USH2A: variants seen among roughly 807,000 people sequenced by gnomAD.
USH2A encodes the protein Usher syndrome 2A (autosomal recessive, mild).
Under a neutral mutation model 538.9 loss-of-function variants are expected in USH2A, and 443 were observed. The ratio of observed to expected loss-of-function variants is 0.82; its 90% CI spans 0.76 to 0.89. USH2A has a LOEUF of 0.89. USH2A is among the 40% of genes least tolerant of loss of function. USH2A has a pLI of 0.00. For synonymous variants in USH2A, 2,413 were observed against 2,273.5 expected (o/e 1.06, Z -1.75); for missense variants, 6,633 against 6,324.8 (o/e 1.05, Z -1.65).
intron 61 of USH2A, among the ~76,000 whole-genome samples, chr1:215,696,394 G>A (rs1023384724): frequency 4.6e-5 from 7 of 152,192 alleles, no homozygotes; most frequent in African/African-American, 1.4e-4. Flanking sequence ...CAACTTTACA[G>A]GTTTGGGTTT....
At chr1:215,647,963 A>C (rs992520946) in intron 66 of USH2A, among the ~76,000 whole-genome samples, 1 of 152,200 alleles carries the variant, frequency 6.6e-6, no homozygotes, top group Non-Finnish European at 1.5e-5. Context: ...CTACACACAC[A>C]TTGCTGTTTA....
intron 15 of USH2A, among the ~76,000 whole-genome samples, chr1:216,216,873 C>T (rs567922876): frequency 2.0e-4 from 30 of 151,816 alleles, no homozygotes; most frequent in Non-Finnish European, 3.8e-4. Context: ...ATATGCGTGA[C>T]GAATGATACT....
chr1:215,669,399 C>A (rs778150689), intron 64 of USH2A, among the ~76,000 whole-genome samples: 3 of 152,166 alleles, frequency 2.0e-5, no homozygotes, highest in Non-Finnish European at 4.4e-5. Context: ...TCCTTTATGA[C>A]ATAAACCACA....
Position 215,877,837 on chromosome 1 carries a change from T to G in USH2A, c.8602A>C (p.Asn2868His). ...RRKIQQPLAS[N>H]PPEDLNRWHN... ...CACCGATTTAAATCTTCTGGGGGAT[T>G]TGATGCAAGTGGCTGCTGGATTTTA... is the stretch of plus-strand genomic sequence containing the variant. The change falls in exon 43 of 72, where the codon AAT (asparagine) becomes CAT (histidine). Residue 2868 changes from asparagine (N) to histidine (H), a missense_variant. Coordinates refer to ENST00000307340, the MANE Select transcript of USH2A (RefSeq NM_206933.4). 6.2e-7 allele frequency: 1 copy of G among 1,613,842 alleles called. No homozygotes were observed.
Position 216,070,143 on chromosome 1 carries a change from G to A in USH2A, c.6007C>T (p.Pro2003Ser), listed in dbSNP as rs1405964630. Residue 2003 changes from proline to serine, a missense_variant, in exon 30 of 72, where the codon CCC becomes TCC. Physicochemically the swap from Pro to Ser is moderately conservative, Grantham distance 74. Coordinates refer to ENST00000307340, the MANE Select transcript of USH2A (RefSeq NM_206933.4). The stretch of plus-strand genomic sequence containing the variant: ...TTGACAAATTCAGCACTGGCAGAGG[G>A]CATGCGGGGTGGACGGGTGCTGTCC... ...SEDSTRPPRMPSASAEFVNTS... is the reference protein window; with the variant it reads ...SEDSTRPPRMSSASAEFVNTS... 1.2e-6 allele frequency: 2 copies of A among 1,614,024 alleles called. No homozygotes were observed. The highest frequency in any genetic ancestry group is 2.2e-5 in the East Asian group (1 of 44,862).
At chr1:216,034,193 AAGAGATCACACC>A (rs1431723269) in intron 32 of USH2A, among the ~76,000 whole-genome samples, 1 of 152,160 alleles carries the variant, frequency 6.6e-6, no homozygotes, top group African/African-American at 2.4e-5. Context: ...GAAAATGAGG[AAGAGATCACACC>A]AGAGCTTGAA....
At chr1:216,201,060 C>T (rs2034987878) in intron 16 of USH2A, among the ~76,000 whole-genome samples, 1 of 143,364 alleles carries the variant, frequency 7.0e-6, no homozygotes, top group Admixed American at 7.3e-5. Flanking sequence ...TTCCTTCCGA[C>T]AGGAGATAGA....
intron 70 of USH2A, among the ~76,000 whole-genome samples, chr1:215,633,872 C>T (rs1235111612): frequency 6.6e-6 from 1 of 152,162 alleles, no homozygotes; most frequent in Non-Finnish European, 1.5e-5. Context: ...CCCTCTCCCA[C>T]TAGACCTTTA....
At chr1:216,080,375 A>G (rs1349977878) in intron 26 of USH2A, among the ~76,000 whole-genome samples, 1 of 152,090 alleles carries the variant, frequency 6.6e-6, no homozygotes. Flanking sequence ...AGAATAAGAA[A>G]AAAACAGAAT....
At chr1:216,390,009 GTT>G (rs1225698701) in intron 3 of USH2A, among the ~76,000 whole-genome samples, 2 of 90,002 alleles carry the variant, frequency 2.2e-5, no homozygotes, top group Non-Finnish European at 5.8e-5. Flanking sequence ...CTGACTGTCA[GTT>G]TTAAAAGACA....
chr1:216,251,158 C>T lies in USH2A; in HGVS notation c.1972-60G>A, dbSNP rs988314749. 3 of 1,568,074 alleles carry T rather than the reference C, an allele frequency of 1.9e-6. No individual in the cohort carries two copies. In the African/African-American group the frequency reaches 4.1e-5, roughly 21 times the overall value. On this transcript the variant is annotated intron_variant, in intron 11 of 71. Coordinates refer to ENST00000307340, the MANE Select transcript of USH2A (RefSeq NM_206933.4). ...CGTATCTATTTTTAGATAATTTGCT[C>T]ATTAGGTACAAGACAGGGAGGGAGG...
rs1005583179 is a variant in USH2A, at chr1:215,758,490, G to C, written c.11389+105C>G. ...TCTGTTCATATTTATCCAGGAGACC[G>C]ACTATGTCTTTCTGATTTACTAAAT... On this transcript the variant is annotated intron_variant, in intron 58 of 71. Transcript: ENST00000307340. The C allele has an allele frequency of 4.3e-6, 6 of 1,402,786 alleles. No individual in the cohort carries two copies. The Admixed American group carries it at 8.9e-5, about 21-fold the overall frequency. 86.9% of individuals were successfully genotyped at this position (1,402,786 alleles called of 1,614,324 possible). A position where few individuals can be genotyped will look rare whatever the true frequency, so the allele number is the denominator to read the frequency against.
At chr1:216,420,344 T>C (rs1182806178) in intron 2 of USH2A, among the ~76,000 whole-genome samples, 1 of 152,150 alleles carries the variant, frequency 6.6e-6, no homozygotes, top group Non-Finnish European at 1.5e-5. Flanking sequence ...CTTTGGTAGA[T>C]AATAAATGTG....
intron 3 of USH2A, among the ~76,000 whole-genome samples, chr1:216,374,230 G>A (rs2038772342): frequency 6.6e-6 from 1 of 151,110 alleles, no homozygotes; most frequent in Non-Finnish European, 1.5e-5. Flanking sequence ...TTGTGCACAT[G>A]TACCCTAAAA....
At chr1:215,694,370 A>C (rs573096916) in intron 61 of USH2A, among the ~76,000 whole-genome samples, 1 of 152,212 alleles carries the variant, frequency 6.6e-6, no homozygotes, top group African/African-American at 2.4e-5. Flanking sequence ...TCAGGAGATC[A>C]AGACCATCCC....
At chr1:215,844,180 C>T in intron 46 of USH2A, 114 bp downstream of exon 46, 2 of 1,129,210 alleles carry the variant, frequency 1.8e-6, no homozygotes, top group Admixed American at 2.0e-5. Context: ...TTTTCCCTTC[C>T]CCACCAAAGA....
intron 16 of USH2A, among the ~76,000 whole-genome samples, chr1:216,206,311 C>G (rs913872493): frequency 6.6e-6 from 1 of 151,978 alleles, no homozygotes; most frequent in African/African-American, 2.4e-5. Flanking sequence ...ACTTTTTTGG[C>G]CCCAGGGACT....
intron 32 of USH2A, among the ~76,000 whole-genome samples, chr1:216,009,639 C>T (rs12144255): frequency 0.88 from 134,204 of 151,972 alleles, 59,524 homozygotes; most frequent in African/African-American, 0.97. Context: ...GTCTTTCTAA[C>T]CTTCCTTTTC....
At chr1:216,285,299 A>G (rs2036860113) in intron 11 of USH2A, among the ~76,000 whole-genome samples, 1 of 152,204 alleles carries the variant, frequency 6.6e-6, no homozygotes, top group African/African-American at 2.4e-5. Context: ...AGCTATGGCT[A>G]AAAGGGATCA....
Sources: gnomAD v4.1 joint callset for allele counts (sites outside exome capture counted in the v4.1 genomes callset) on GRCh38, gnomAD v4.1.1 for gene constraint, MANE v1.5 for transcripts, NCBI Gene and HGNC (gene_info 2026-07-23, HGNC 2026-07-21) for gene names.